EEFSEC: variants seen among roughly 807,000 people sequenced by gnomAD.
EEFSEC encodes the protein eukaryotic elongation factor, selenocysteine-tRNA specific.
Under a neutral mutation model 42.1 loss-of-function variants are expected in EEFSEC, and 43 were observed. The ratio of observed to expected loss-of-function variants is 1.02; its 90% CI spans 0.80 to 1.32. The LOEUF is 1.32. Among genes scored for constraint, EEFSEC ranks in the 40% most tolerant of loss-of-function variants. The pLI is 0.00. For missense variants in EEFSEC, 745 were observed against 803.6 expected (o/e 0.93, Z 0.88); for synonymous variants, 354 against 339.1 (o/e 1.04, Z -0.48).
chr3:128,321,590 C>T (rs923560817), intron 4 of EEFSEC, among the ~76,000 whole-genome samples: 3 of 152,126 alleles, frequency 2.0e-5, no homozygotes, highest in Admixed American at 6.5e-5. Context: ...GCCCAGGCCA[C>T]GGCACTCCTA....
intron 4 of EEFSEC, among the ~76,000 whole-genome samples, chr3:128,275,018 C>G (rs968395599): frequency 1.3e-5 from 2 of 152,166 alleles, no homozygotes; most frequent in Non-Finnish European, 2.9e-5. Flanking sequence ...GCTGGGCTTA[C>G]CGAAACTTGT....
At chr3:128,307,672 C>T (rs1291282381) in intron 4 of EEFSEC, among the ~76,000 whole-genome samples, 2 of 152,222 alleles carry the variant, frequency 1.3e-5, no homozygotes, top group African/African-American at 4.8e-5. Flanking sequence ...TGTATTTAGA[C>T]TGACTCCTGC....
intron 2 of EEFSEC, among the ~76,000 whole-genome samples, chr3:128,256,182 T>C (rs1392569251): frequency 1.3e-5 from 2 of 152,168 alleles, no homozygotes; most frequent in Non-Finnish European, 1.5e-5. Flanking sequence ...ATTGGTACTG[T>C]TGTGTCTTAA....
At position 128,274,370 on chromosome 3, in the gene EEFSEC, C is replaced by T. The variant is rs1368142731; in HGVS notation, c.786+9589C>T. Among the ~76,000 whole-genome samples the T allele has an allele frequency of 3.3e-5, 5 of 152,218 alleles. No individual in the cohort carries two copies. In the East Asian group the frequency reaches 7.7e-4, roughly 23 times the overall value. On this transcript the variant is annotated intron_variant, in intron 4 of 6. Transcript: ENST00000254730. ...GCTCTAGAGCACGCACGCATGTGGG[C>T]GCAGTCACCACAGGAAGCCTCAGCC... is the stretch of plus-strand genomic sequence containing the variant.
intron 1 of EEFSEC, among the ~76,000 whole-genome samples, chr3:128,187,744 A>G (rs113666854): frequency 5.3e-5 from 8 of 152,350 alleles, no homozygotes; most frequent in East Asian, 1.9e-4. Context: ...AGACCATACA[A>G]TACACCAGAG....
At chr3:128,256,691 T>A (rs2066245310) in intron 2 of EEFSEC, among the ~76,000 whole-genome samples, 2 of 152,246 alleles carry the variant, frequency 1.3e-5, no homozygotes, top group Non-Finnish European at 1.5e-5. Context: ...TTATAATCTA[T>A]ATGTTATCTT....
intron 6 of EEFSEC, among the ~76,000 whole-genome samples, chr3:128,369,016 C>G (rs901996173): frequency 2.0e-4 from 31 of 152,338 alleles, no homozygotes; most frequent in African/African-American, 7.5e-4. Context: ...AATGTGTGGT[C>G]TCTGTGTTGG....
At chr3:128,329,433 T>G in intron 4 of EEFSEC, among the ~76,000 whole-genome samples, 1 of 150,628 alleles carries the variant, frequency 6.6e-6, no homozygotes, top group Non-Finnish European at 1.5e-5. Context: ...CCCCCGCTGA[T>G]GCTCTCAGTC....
chr3:128,397,981 C>T (rs993410955), intron 6 of EEFSEC, among the ~76,000 whole-genome samples: 5 of 152,256 alleles, frequency 3.3e-5, no homozygotes, highest in African/African-American at 1.2e-4. Flanking sequence ...TGCTCACCCC[C>T]CAGCCTCTGT....
chr3:128,391,098 T>A (rs3887841), intron 6 of EEFSEC, among the ~76,000 whole-genome samples: 72 of 152,236 alleles, frequency 4.7e-4, no homozygotes, highest in African/African-American at 1.5e-3. Flanking sequence ...TGGGCCTGCG[T>A]GATTCCCTCA....
chr3:128,236,824 C>T lies in EEFSEC; in HGVS notation c.317-10012C>T, dbSNP rs555003134. Among the ~76,000 whole-genome samples the T allele has an allele frequency of 2.6e-5, 4 of 152,368 alleles. No homozygotes were observed. The South Asian group carries it at 8.3e-4, about 32-fold the overall frequency. ...ATTTAAAATTGCAGGCCACCTGCTT[C>T]GCAGACAGCTCGGAGCCTACTTCTC... On this transcript the variant is annotated intron_variant, in intron 1 of 6. Coordinates refer to ENST00000254730, the MANE Select transcript of EEFSEC (RefSeq NM_021937.5).
Position 128,341,322 on chromosome 3 carries a change from G to T in EEFSEC, c.876G>T (p.Gln292His). The change falls in exon 5 of 7, where the codon CAG becomes CAT. Residue 292 changes from glutamine (Q) to histidine (H), a missense_variant. Transcript: ENST00000254730. ...QGDRLGICVT[Q>H]FDPKLLERGL... Reference sequence around the variant, plus strand: ...ACCGGCTGGGCATCTGCGTCACCCAGTTTGACCCTAAGCTGCTGGAGCGCG... The same window carrying T: ...ACCGGCTGGGCATCTGCGTCACCCATTTTGACCCTAAGCTGCTGGAGCGCG... 1 of 1,614,190 alleles carries T rather than the reference G, an allele frequency of 6.2e-7. No homozygotes were observed. Among genetic ancestry groups the T allele is most frequent in the Non-Finnish European group, 8.5e-7 (1 of 1,180,038 alleles).
chr3:128,296,118 T>C (rs2066703552), intron 4 of EEFSEC, among the ~76,000 whole-genome samples: 1 of 152,196 alleles, frequency 6.6e-6, no homozygotes, highest in Non-Finnish European at 1.5e-5. Flanking sequence ...CTTGCCTGGC[T>C]GCCTTTGGTG....
chr3:128,405,520 A>G (rs1163413639), intron 6 of EEFSEC, among the ~76,000 whole-genome samples: 1 of 152,088 alleles, frequency 6.6e-6, no homozygotes, highest in Admixed American at 6.5e-5. Context: ...GGCCTCTTAG[A>G]CCTTCATTTT....
chr3:128,325,518 A>G (rs1247577245), intron 4 of EEFSEC, among the ~76,000 whole-genome samples: 1 of 152,214 alleles, frequency 6.6e-6, no homozygotes, highest in Non-Finnish European at 1.5e-5. Context: ...CTCTCCGGGA[A>G]GATGTTTGCA....
intron 4 of EEFSEC, among the ~76,000 whole-genome samples, chr3:128,287,577 T>C (rs2066599585): frequency 6.6e-6 from 1 of 152,204 alleles, no homozygotes; most frequent in South Asian, 2.1e-4. Context: ...GAGCTGTAGT[T>C]TGAGAAAACC....
intron 1 of EEFSEC, among the ~76,000 whole-genome samples, chr3:128,218,980 C>T (rs1294441451): frequency 6.6e-6 from 1 of 152,202 alleles, no homozygotes; most frequent in Non-Finnish European, 1.5e-5. Flanking sequence ...TGTCCAGCGC[C>T]TGCCGTCAGG....
intron 6 of EEFSEC, among the ~76,000 whole-genome samples, chr3:128,395,684 A>G (rs2067972861): frequency 6.6e-6 from 1 of 152,190 alleles, no homozygotes; most frequent in Non-Finnish European, 1.5e-5. Flanking sequence ...GTGTCTGTCC[A>G]GTGCACAGCC....
chr3:128,278,133 A>G (rs1476799992), intron 4 of EEFSEC, among the ~76,000 whole-genome samples: 2 of 152,052 alleles, frequency 1.3e-5, no homozygotes, highest in African/African-American at 4.8e-5. Context: ...TGTGCAATTT[A>G]TTTGTGTGTT....
Sources: gnomAD v4.1 joint callset for allele counts (sites outside exome capture counted in the v4.1 genomes callset) on GRCh38, gnomAD v4.1.1 for gene constraint, MANE v1.5 for transcripts, NCBI Gene and HGNC (gene_info 2026-07-23, HGNC 2026-07-21) for gene names.